Variants in BICC1 observed in about 807,000 individuals in gnomAD.
The protein encoded by BICC1 is BicC family RNA binding protein 1, also known as protein bicaudal C homolog 1.
BICC1 carries 43 observed loss-of-function variants against 111.0 expected under a neutral mutation model. The ratio of observed to expected loss-of-function variants is 0.39; its 90% CI spans 0.30 to 0.50. The LOEUF (loss-of-function observed/expected upper bound fraction) is 0.50, where lower values mean the gene tolerates loss of function less well. Ranked by LOEUF, BICC1 falls within the 20% of genes least tolerant of loss-of-function variation. The pLI is 0.88. For synonymous variants in BICC1, 467 were observed against 434.4 expected (o/e 1.07, Z -0.93); for missense variants, 1,091 against 1,203.2 (o/e 0.91, Z 1.38).
At chr10:58,751,650 T>C (rs1479612001) in intron 3 of BICC1, among the ~76,000 whole-genome samples, 1 of 152,200 alleles carries the variant, frequency 6.6e-6, no homozygotes, top group East Asian at 1.9e-4. Context: ...GGAAATGTTA[T>C]AGCCCAAAAT....
chr10:58,529,328 T>TA (rs1423861479), intron 1 of BICC1, among the ~76,000 whole-genome samples: 1 of 151,886 alleles, frequency 6.6e-6, no homozygotes, highest in Non-Finnish European at 1.5e-5. Flanking sequence ...AAAATTTCAA[T>TA]AAAAAATACA....
At chr10:58,755,321 A>G (rs1842114545) in intron 3 of BICC1, among the ~76,000 whole-genome samples, 1 of 152,196 alleles carries the variant, frequency 6.6e-6, no homozygotes, top group South Asian at 2.1e-4. Context: ...TGGTCACCTT[A>G]GGGGAAAGGC....
intron 3 of BICC1, among the ~76,000 whole-genome samples, chr10:58,759,862 G>A (rs569825187): frequency 3.9e-5 from 6 of 152,080 alleles, no homozygotes; most frequent in African/African-American, 1.4e-4. Context: ...AGGAGGCTGA[G>A]GCAGGGGAAT....
At chr10:58,561,254 T>A (rs1258924163) in intron 1 of BICC1, among the ~76,000 whole-genome samples, 1 of 152,056 alleles carries the variant, frequency 6.6e-6, no homozygotes, top group Admixed American at 6.5e-5. Flanking sequence ...ATATTTACAA[T>A]AATTATATTT....
intron 2 of BICC1, among the ~76,000 whole-genome samples, chr10:58,628,301 C>G (rs1486267405): frequency 1.3e-5 from 2 of 152,042 alleles, no homozygotes; most frequent in East Asian, 3.9e-4. Context: ...AGTTTTTTTG[C>G]TGAAAAACAT....
At chr10:58,553,095 T>A (rs909128941) in intron 1 of BICC1, among the ~76,000 whole-genome samples, 4 of 152,132 alleles carry the variant, frequency 2.6e-5, no homozygotes, top group African/African-American at 9.7e-5. Context: ...TATAATCTGT[T>A]AATAGACTCT....
At position 58,743,466 on chromosome 10, in the gene BICC1, A is replaced by ATTT. The variant is rs5785344; in HGVS notation, c.307+41336_307+41338dup. On this transcript the variant is annotated intron_variant, in intron 3 of 20. Transcript: ENST00000373886. The stretch of plus-strand genomic sequence containing the variant: ...TATTTCTCTACCACCATTTGCTGGG[A>ATTT]TTTTTTTTTTTTTTTGGATATTTTG... Among the ~76,000 whole-genome samples, 37 of 143,762 alleles carry ATTT rather than the reference A, an allele frequency of 2.6e-4. 1 individual carries two copies. The highest frequency in any genetic ancestry group is 5.6e-4 in the African/African-American group (22 of 38,958). 94.3% of individuals were successfully genotyped at this position (143,762 alleles called of 152,430 possible).
intron 1 of BICC1, among the ~76,000 whole-genome samples, chr10:58,547,226 A>T (rs1051647145): frequency 6.6e-6 from 1 of 152,140 alleles, no homozygotes; most frequent in Non-Finnish European, 1.5e-5. Context: ...CTCTATCCAG[A>T]ATATCACATT....
Position 58,799,062 on chromosome 10 carries a change from C to T in BICC1, c.1535C>T (p.Ser512Phe). 6.3e-7 allele frequency: 1 copy of T among 1,581,556 alleles called. No homozygotes were observed. Among genetic ancestry groups the T allele is most frequent in the Non-Finnish European group, 8.6e-7 (1 of 1,159,120 alleles). ...LANTSSATGF[S>F]AIPHLMIPST... Reference sequence around the variant, plus strand: ...TCATAAAATGTTGTTGTAGGTTTTTCTGCTATACCACACCTTATGATTCCA... The same window carrying T: ...TCATAAAATGTTGTTGTAGGTTTTTTTGCTATACCACACCTTATGATTCCA... The change falls in exon 12 of 21, where the codon TCT (serine) becomes TTT (phenylalanine). Residue 512 changes from serine (S) to phenylalanine (F), a missense_variant. Coordinates refer to ENST00000373886, the MANE Select transcript of BICC1 (RefSeq NM_001080512.3).
At chr10:58,709,400 C>T (rs1422071805) in intron 3 of BICC1, among the ~76,000 whole-genome samples, 1 of 152,216 alleles carries the variant, frequency 6.6e-6, no homozygotes, top group Non-Finnish European at 1.5e-5. Context: ...CAAACATACA[C>T]CTGTGCACAA....
At chr10:58,543,168 T>G (rs543434111) in intron 1 of BICC1, among the ~76,000 whole-genome samples, 1 of 151,984 alleles carries the variant, frequency 6.6e-6, no homozygotes, top group Non-Finnish European at 1.5e-5. Context: ...AGACATACAA[T>G]GGAATATTGC....
At chr10:58,601,476 C>A (rs1845038876) in intron 1 of BICC1, among the ~76,000 whole-genome samples, 1 of 151,516 alleles carries the variant, frequency 6.6e-6, no homozygotes, top group Non-Finnish European at 1.5e-5. Context: ...TCTTAATTCC[C>A]ATATTGGTTT....
At chr10:58,602,906 G>A (rs1845087250) in intron 1 of BICC1, among the ~76,000 whole-genome samples, 1 of 152,084 alleles carries the variant, frequency 6.6e-6, no homozygotes, top group Admixed American at 6.6e-5. Context: ...GTAAACCTCT[G>A]GATTATAGAC....
chr10:58,596,078 A>G (rs1238159028), intron 1 of BICC1, among the ~76,000 whole-genome samples: 1 of 152,244 alleles, frequency 6.6e-6, no homozygotes, highest in East Asian at 1.9e-4. Context: ...AATAGTATAA[A>G]CACCTCTGTG....
intron 3 of BICC1, among the ~76,000 whole-genome samples, chr10:58,771,137 A>G (rs917026263): frequency 6.6e-6 from 1 of 152,198 alleles, no homozygotes; most frequent in Admixed American, 6.5e-5. Context: ...GTGAGTTCAC[A>G]GAAGGACCCA....
rs149325160 is a variant in BICC1, at chr10:58,754,760, A to ATGTGTGTGTGTG, written c.308-30227_308-30216dup. 5.4e-5 allele frequency among the ~76,000 whole-genome samples: 8 copies of ATGTGTGTGTGTG among 148,852 alleles called. No homozygotes were observed. In the East Asian group the frequency reaches 6.0e-4, roughly 11 times the overall value. Reference sequence around the variant, plus strand: ...GACAAACTTGTGAGGGGGGGTGTGTATGTGTGTGTGTGTGTGTGTGTGTGT... The same window carrying ATGTGTGTGTGTG: ...GACAAACTTGTGAGGGGGGGTGTGTATGTGTGTGTGTGTGTGTGTGTGTGTGTGTGTGTGTGT... On this transcript the variant is annotated intron_variant, in intron 3 of 20. Transcript: ENST00000373886.
intron 2 of BICC1, among the ~76,000 whole-genome samples, chr10:58,649,803 T>C (rs867840144): frequency 1.2e-4 from 18 of 152,002 alleles, no homozygotes; most frequent in Non-Finnish European, 2.4e-4. Flanking sequence ...TCTACTGTTG[T>C]TCTTTTGCAT....
At chr10:58,571,336 A>G (rs1843943882) in intron 1 of BICC1, among the ~76,000 whole-genome samples, 2 of 152,078 alleles carry the variant, frequency 1.3e-5, no homozygotes, top group South Asian at 4.2e-4. Context: ...TTTATTTCCA[A>G]CTTTTATTGT....
intron 2 of BICC1, among the ~76,000 whole-genome samples, chr10:58,624,560 A>T (rs1845927152): frequency 1.3e-5 from 2 of 152,134 alleles, no homozygotes; most frequent in South Asian, 4.1e-4. Context: ...GCAAAAAGAG[A>T]AAAAAGTAAT....
Sources: allele counts gnomAD v4.1 joint callset (sites outside exome capture counted in the v4.1 genomes callset), GRCh38; gene constraint gnomAD v4.1.1; transcripts MANE v1.5; gene names NCBI Gene and HGNC (gene_info 2026-07-23, HGNC 2026-07-21).